Variants in EBF4 observed in about 807,000 individuals in gnomAD.
EBF4 encodes transcription factor COE4.
In EBF4, 34 loss-of-function variants were observed where a neutral mutation model predicts 67.1. The ratio of observed to expected loss-of-function variants is 0.51; its 90% CI spans 0.39 to 0.67. The LOEUF (loss-of-function observed/expected upper bound fraction) is 0.67. Ranked by LOEUF, EBF4 falls within the 30% of genes least tolerant of loss-of-function variation. The pLI is 0.00. For missense variants in EBF4, 837 were observed against 873.3 expected (o/e 0.96, Z 0.52); for synonymous variants, 387 against 377.7 (o/e 1.02, Z -0.29).
chr20:2,757,534 C>T (rs2088263703), intron 15 of EBF4, among the ~76,000 whole-genome samples: 1 of 152,152 alleles, frequency 6.6e-6, no homozygotes, highest in South Asian at 2.1e-4. Context: ...CTTGCCCAAG[C>T]AAGGTTTGAA....
intron 6 of EBF4, among the ~76,000 whole-genome samples, chr20:2,737,114 G>A (rs1327944549): frequency 6.6e-6 from 1 of 150,772 alleles, no homozygotes; most frequent in Non-Finnish European, 1.5e-5. Flanking sequence ...GCCGGGCGTG[G>A]TGGCGGGCGC....
chr20:2,697,171 G>A (rs938942614), intron 1 of EBF4, among the ~76,000 whole-genome samples: 3 of 152,186 alleles, frequency 2.0e-5, no homozygotes, highest in Non-Finnish European at 4.4e-5. Flanking sequence ...CAGAAGGTGG[G>A]TGGGGAGGAA....
intron 1 of EBF4, among the ~76,000 whole-genome samples, chr20:2,698,467 G>A (rs1277942638): frequency 2.6e-5 from 4 of 152,134 alleles, no homozygotes; most frequent in Admixed American, 1.3e-4. Context: ...ATCTTGTCTG[G>A]GGCAGGAGGG....
intron 6 of EBF4, among the ~76,000 whole-genome samples, chr20:2,732,676 AGTT>A (rs1276954560): frequency 1.3e-5 from 2 of 152,136 alleles, no homozygotes; most frequent in Admixed American, 6.5e-5. Context: ...ATTGTGTTGT[AGTT>A]TTCTTTTTTA....
At chr20:2,730,524 T>C (rs1402338322) in intron 6 of EBF4, among the ~76,000 whole-genome samples, 1 of 151,872 alleles carries the variant, frequency 6.6e-6, no homozygotes. Context: ...GACATAACTT[T>C]TGGGGGGGCC....
At chr20:2,709,868 G>A (rs1015980169) in intron 6 of EBF4, among the ~76,000 whole-genome samples, 2 of 143,712 alleles carry the variant, frequency 1.4e-5, no homozygotes, top group Non-Finnish European at 3.1e-5. Context: ...TGCTTTCCCC[G>A]ACTCCCTGAG....
chr20:2,726,255 G>A (rs2087745167), intron 6 of EBF4, among the ~76,000 whole-genome samples: 1 of 151,850 alleles, frequency 6.6e-6, no homozygotes, highest in South Asian at 2.1e-4. Context: ...ATGATGCTGT[G>A]GCCAGGCAAA....
At position 2,755,570 on chromosome 20, in the gene EBF4, G is replaced by C; in HGVS notation, c.1541-57G>C. 2.3e-6 allele frequency: 2 copies of C among 870,546 alleles called. No homozygotes were observed. Among genetic ancestry groups the C allele is most frequent in the Non-Finnish European group, 3.7e-6 (2 of 537,748 alleles). The allele number at this position is 870,546 out of a possible 1,614,324, so 53.9% of individuals were successfully genotyped here. ...CTGCTCACTCTGGTGCTGTCTCCCT[G>C]TTGTGTCTCCCACCACCTTCCCTGC... On this transcript the variant is annotated intron_variant, in intron 14 of 16. Coordinates refer to ENST00000609451, the Ensembl canonical transcript of EBF4. This position sits in a 1 kb window ranked among gnomAD's most constrained non-coding sequence, Gnocchi z 4.7.
chr20:2,754,549 G>A (rs2088207166), intron 14 of EBF4, among the ~76,000 whole-genome samples: 2 of 152,214 alleles, frequency 1.3e-5, no homozygotes, highest in East Asian at 1.9e-4. Context: ...ATTTGGAAGA[G>A]GGGCAGCTGT....
At position 2,739,472 on chromosome 20, in the gene EBF4, C is replaced by T. The variant is rs1238558904; in HGVS notation, c.558-9077C>T. On this transcript the variant is annotated intron_variant, in intron 6 of 16. Transcript: ENST00000609451. The surrounding 1 kb of genome is among the most constrained non-coding windows in gnomAD (Gnocchi z 4.5). ...TGGCCACTGCAGATTACACTTGGCA[C>T]ATCCTCCTGCCGTGCCCACCACTCT... Among the ~76,000 whole-genome samples, 2 of 152,230 alleles carry T rather than the reference C, an allele frequency of 1.3e-5. No individual in the cohort carries two copies. The highest frequency in any genetic ancestry group is 4.8e-5 in the African/African-American group (2 of 41,464).
At chr20:2,734,291 C>A (rs555790275) in intron 6 of EBF4, among the ~76,000 whole-genome samples, 2 of 152,188 alleles carry the variant, frequency 1.3e-5, no homozygotes, top group South Asian at 4.1e-4. Context: ...TACCTGTAGT[C>A]CCAGCTACTT....
intron 6 of EBF4, among the ~76,000 whole-genome samples, chr20:2,718,577 T>A (rs931352870): frequency 1.3e-5 from 2 of 152,366 alleles, no homozygotes; most frequent in South Asian, 4.1e-4. Context: ...ATAAAATGTT[T>A]ATAATATTCC....
chr20:2,717,979 T>A (rs1231119516), intron 6 of EBF4, among the ~76,000 whole-genome samples: 1 of 152,060 alleles, frequency 6.6e-6, no homozygotes, highest in South Asian at 2.1e-4. Context: ...CCCGGCTAAT[T>A]TTTGTATTTT....
intron 6 of EBF4, among the ~76,000 whole-genome samples, chr20:2,727,723 C>T (rs1174434372): frequency 6.6e-6 from 1 of 152,152 alleles, no homozygotes; most frequent in Non-Finnish European, 1.5e-5. Context: ...CACATCCTTG[C>T]CAACACTTAT....
intron 6 of EBF4, among the ~76,000 whole-genome samples, chr20:2,731,906 T>C (rs985509151): frequency 6.6e-6 from 1 of 152,194 alleles, no homozygotes; most frequent in African/African-American, 2.4e-5. Context: ...CCACTTCACA[T>C]TGTGTGTGCA....
intron 5 of EBF4, 42 bp downstream of exon 5, chr20:2,708,062 G>A (rs548460271): frequency 1.3e-6 from 2 of 1,569,658 alleles, no homozygotes; most frequent in Admixed American, 3.7e-5. Context: ...CTCTGCCAAG[G>A]CGTTTCTGAG....
At chr20:2,752,193 C>CGTG (rs1297961439) in exon 13 of EBF4, 9 of 1,426,464 alleles carry the variant, frequency 6.3e-6, no homozygotes, top group Non-Finnish European at 7.3e-6. Flanking sequence ...ACCCCGCCGT[C>CGTG]GTGGGCATCA....
chr20:2,759,005 G>C (rs778164204), intron 16 of EBF4, 21 bp downstream of exon 16: 1 of 1,549,470 alleles, frequency 6.5e-7, no homozygotes, highest in Non-Finnish European at 8.7e-7. Context: ...GGCTGGGTCT[G>C]GCCTCCCCCG....
intron 6 of EBF4, among the ~76,000 whole-genome samples, chr20:2,727,704 C>T (rs1432698804): frequency 6.6e-6 from 1 of 152,158 alleles, no homozygotes; most frequent in East Asian, 1.9e-4. Flanking sequence ...ACAAAGTTTC[C>T]AGTTTCCCCA....
Sources: allele counts gnomAD v4.1 joint callset (sites outside exome capture counted in the v4.1 genomes callset), GRCh38; gene constraint gnomAD v4.1.1; non-coding constraint Gnocchi (gnomAD v3.1); transcripts MANE v1.5; gene names NCBI Gene and HGNC (gene_info 2026-07-23, HGNC 2026-07-21).